Variants in CACNB2 observed in about 807,000 individuals in gnomAD.
The protein encoded by CACNB2 is calcium voltage-gated channel auxiliary subunit beta 2.
CACNB2 carries 42 observed loss-of-function variants against 73.3 expected under a neutral mutation model. That is an observed-to-expected ratio of 0.57 (90% CI 0.45 to 0.74). CACNB2 has a LOEUF of 0.74. CACNB2 is among the 30% of genes least tolerant of loss of function. CACNB2 has a pLI of 0.00. For synonymous variants in CACNB2, 348 were observed against 310.3 expected (o/e 1.12, Z -1.28); for missense variants, 940 against 853.0 (o/e 1.10, Z -1.27).
At chr10:18,349,154 T>C (rs2132123378) in intron 2 of CACNB2, among the ~76,000 whole-genome samples, 1 of 152,304 alleles carries the variant, frequency 6.6e-6, no homozygotes, top group Non-Finnish European at 1.5e-5. Flanking sequence ...CTTCACTTCT[T>C]TGTTCTTCAT....
intron 2 of CACNB2, among the ~76,000 whole-genome samples, chr10:18,394,211 C>A (rs2043611693): frequency 6.6e-6 from 1 of 152,156 alleles, no homozygotes; most frequent in Non-Finnish European, 1.5e-5. Flanking sequence ...CCTGCCTCGG[C>A]CTCCCAAAGT....
At chr10:18,464,418 TAAAAA>T (rs762982462) in intron 3 of CACNB2, among the ~76,000 whole-genome samples, 5 of 85,298 alleles carry the variant, frequency 5.9e-5, no homozygotes, top group Admixed American at 3.1e-4. Context: ...TCTCAAAAAT[TAAAAA>T]AAAAAAAAAA....
intron 9 of CACNB2, among the ~76,000 whole-genome samples, chr10:18,521,584 G>C (rs1021015223): frequency 6.6e-6 from 1 of 152,150 alleles, no homozygotes; most frequent in Non-Finnish European, 1.5e-5. Flanking sequence ...TATGTGCCAG[G>C]CATTGTGAGG....
intron 2 of CACNB2, among the ~76,000 whole-genome samples, chr10:18,373,705 G>A (rs2042679948): frequency 6.6e-6 from 1 of 152,144 alleles, no homozygotes; most frequent in Non-Finnish European, 1.5e-5. Flanking sequence ...TGTTCCTTCA[G>A]ATTTTTCATT....
chr10:18,286,624 A>G (rs753782320), intron 2 of CACNB2, among the ~76,000 whole-genome samples: 1 of 149,882 alleles, frequency 6.7e-6, no homozygotes, highest in Non-Finnish European at 1.5e-5. Flanking sequence ...GTTTTTATGC[A>G]TTTTCCATGT....
intron 3 of CACNB2, among the ~76,000 whole-genome samples, chr10:18,410,649 G>A (rs1461092851): frequency 1.3e-5 from 2 of 152,126 alleles, no homozygotes; most frequent in African/African-American, 2.4e-5. Context: ...CAGAGAATAG[G>A]TGGCAGGTGT....
At chr10:18,325,806 A>G (rs1404611882) in intron 2 of CACNB2, among the ~76,000 whole-genome samples, 1 of 149,630 alleles carries the variant, frequency 6.7e-6, no homozygotes, top group African/African-American at 2.5e-5. Flanking sequence ...GTATAGTGGC[A>G]TAATCTCAGC....
chr10:18,407,162 G>A (rs190556195), intron 3 of CACNB2, among the ~76,000 whole-genome samples: 1,096 of 107,692 alleles, frequency 0.01, 23 homozygotes, highest in African/African-American at 0.037. Flanking sequence ...TCCCTCTGTC[G>A]CCCAGGCTGG....
chr10:18,344,294 G>A (rs536415775), intron 2 of CACNB2, among the ~76,000 whole-genome samples: 1 of 151,916 alleles, frequency 6.6e-6, no homozygotes, highest in Non-Finnish European at 1.5e-5. Flanking sequence ...CCCATAAAAC[G>A]ATCAGTTTGT....
rs910627962 is a variant in CACNB2, at chr10:18,297,971, A to G, written c.214-103953A>G. The stretch of plus-strand genomic sequence containing the variant: ...AAAGAAAGGGAAGGAGAATCAAATA[A>G]TGCCCCCCAAGTTACTAAGTGTCTT... On this transcript the variant is annotated intron_variant, in intron 2 of 13. Coordinates refer to ENST00000324631, the MANE Select transcript of CACNB2 (RefSeq NM_201596.3). Among the ~76,000 whole-genome samples the G allele has an allele frequency of 2.6e-5, 4 of 152,178 alleles. No individual in the cohort carries two copies. The East Asian group carries it at 7.7e-4, about 29-fold the overall frequency.
chr10:18,441,252 A>C (rs1373243588), intron 3 of CACNB2, among the ~76,000 whole-genome samples: 1 of 152,016 alleles, frequency 6.6e-6, no homozygotes, highest in Admixed American at 6.5e-5. Flanking sequence ...AAAAATAGAA[A>C]AAATTAGCTG....
intron 3 of CACNB2, among the ~76,000 whole-genome samples, chr10:18,403,574 T>G (rs1197315994): frequency 6.6e-6 from 1 of 152,208 alleles, no homozygotes. Flanking sequence ...TCAATTGTTA[T>G]GTAATTGGGG....
chr10:18,247,160 T>C (rs2036898252), intron 2 of CACNB2, among the ~76,000 whole-genome samples: 1 of 152,072 alleles, frequency 6.6e-6, no homozygotes, highest in African/African-American at 2.4e-5. Context: ...CCCTGGCCCT[T>C]CTCCCCTTCT....
intron 2 of CACNB2, among the ~76,000 whole-genome samples, chr10:18,264,009 C>T (rs138706501): frequency 0.012 from 1,772 of 152,254 alleles, 18 homozygotes; most frequent in Non-Finnish European, 0.019. Context: ...CTTGCTATTT[C>T]GTTAAGGACA....
intron 2 of CACNB2, among the ~76,000 whole-genome samples, chr10:18,341,939 G>A (rs889572382): frequency 6.6e-6 from 1 of 151,960 alleles, no homozygotes. Flanking sequence ...TGCTGAGTTG[G>A]CCCTCATTAA....
In CACNB2 at chr10:18,539,777, A is replaced by C; in HGVS notation, c.*53A>C. On this transcript the variant is annotated 3_prime_UTR_variant, in exon 14 of 14. Coordinates refer to ENST00000324631, the MANE Select transcript of CACNB2 (RefSeq NM_201596.3). The stretch of plus-strand genomic sequence containing the variant: ...TTTTTTTTGAAGTCTTGTATAACTA[A>C]CAGCATCCCCAAAACAAAGTCTTTG... 1 of 1,542,620 alleles carries C rather than the reference A, an allele frequency of 6.5e-7. No individual in the cohort carries two copies. Among genetic ancestry groups the C allele is most frequent in the Non-Finnish European group, 8.7e-7 (1 of 1,146,372 alleles).
chr10:18,304,217 A>C (rs1283297199), intron 2 of CACNB2, among the ~76,000 whole-genome samples: 1 of 152,126 alleles, frequency 6.6e-6, no homozygotes, highest in African/African-American at 2.4e-5. Context: ...CAGCCTCCCA[A>C]AGTGCTAGGA....
At chr10:18,295,136 A>T (rs1048473959) in intron 2 of CACNB2, among the ~76,000 whole-genome samples, 1 of 152,238 alleles carries the variant, frequency 6.6e-6, no homozygotes, top group Non-Finnish European at 1.5e-5. Context: ...CAATTTTAAT[A>T]TTAAAGATAG....
At chr10:18,275,809 T>G (rs868239936) in intron 2 of CACNB2, among the ~76,000 whole-genome samples, 1 of 152,210 alleles carries the variant, frequency 6.6e-6, no homozygotes, top group Admixed American at 6.5e-5. Context: ...AATCAATGTT[T>G]TATTAATAGT....
Sources: gnomAD v4.1 joint callset for allele counts (sites outside exome capture counted in the v4.1 genomes callset) on GRCh38, gnomAD v4.1.1 for gene constraint, MANE v1.5 for transcripts, NCBI Gene and HGNC (gene_info 2026-07-23, HGNC 2026-07-21) for gene names.